The following SSBP3 variants were observed in gnomAD, a reference collection of about 807,000 sequenced individuals.
The protein encoded by SSBP3 is single-stranded DNA-binding protein 3.
SSBP3 carries 5 observed loss-of-function variants against 69.6 expected under a neutral mutation model. That is an observed-to-expected ratio of 0.07 (90% CI 0.04 to 0.15). The LOEUF is 0.15. SSBP3 is among the 10% of genes least tolerant of loss of function. SSBP3 has a pLI of 1.00. For synonymous variants in SSBP3, 196 were observed against 193.4 expected (o/e 1.01, Z -0.11); for missense variants, 312 against 534.0 (o/e 0.58, Z 4.10).
chr1:54,375,706 T>C (rs758859889), intron 4 of SSBP3, among the ~76,000 whole-genome samples: 14 of 152,200 alleles, frequency 9.2e-5, no homozygotes, highest in Non-Finnish European at 1.3e-4. Context: ...AGAGTTCACA[T>C]AGAAGCCATC....
chr1:54,371,674 G>A lies in SSBP3; in HGVS notation c.276+30187C>T, dbSNP rs150556916. Among the ~76,000 whole-genome samples, 5 of 152,274 alleles carry A rather than the reference G, an allele frequency of 3.3e-5. No homozygotes were observed. The East Asian group carries it at 9.7e-4, about 29-fold the overall frequency. On this transcript the variant is annotated intron_variant, in intron 4 of 17. Transcript: ENST00000610401. ...AACAATCATCAATATCGAGAGAGAA[G>A]ACACAATAATAAAAATGACAACTGC...
chr1:54,384,830 A>T (rs1231764334), intron 4 of SSBP3, among the ~76,000 whole-genome samples: 1 of 152,058 alleles, frequency 6.6e-6, no homozygotes, highest in Non-Finnish European at 1.5e-5. Flanking sequence ...TTTCCAACAT[A>T]CAAGGCCCAT....
intron 4 of SSBP3, among the ~76,000 whole-genome samples, chr1:54,306,728 C>G (rs1645907751): frequency 6.6e-6 from 1 of 152,190 alleles, no homozygotes; most frequent in South Asian, 2.1e-4. Flanking sequence ...ACAGGCCAGG[C>G]CTAGTGGCAC....
intron 8 of SSBP3, 37 bp from the exon 9 acceptor site, chr1:54,251,729 A>T: frequency 1.3e-6 from 2 of 1,584,422 alleles, no homozygotes; most frequent in South Asian, 2.3e-5. Context: ...GGATGGCAGG[A>T]GTGGAGGGAG....
At chr1:54,240,047 GGTGTGTGTGTGTGTGT>G (rs71066910) in intron 13 of SSBP3, among the ~76,000 whole-genome samples, 17 of 77,790 alleles carry the variant, frequency 2.2e-4, no homozygotes, top group African/African-American at 3.2e-4. Context: ...ATTGTGATGG[GGTGTGTGTGTGTGTGT>G]GTGTGTGTGT....
At chr1:54,408,999 G>C (rs1304682923), upstream of SSBP3, among the ~76,000 whole-genome samples, 2 of 152,160 alleles carry the variant, frequency 1.3e-5, no homozygotes, top group East Asian at 3.9e-4. Context: ...TTGCTGAGGG[G>C]TTCCCTGGAA....
chr1:54,344,114 T>G (rs918397139), intron 4 of SSBP3, among the ~76,000 whole-genome samples: 2 of 151,968 alleles, frequency 1.3e-5, no homozygotes, highest in Non-Finnish European at 2.9e-5. Flanking sequence ...GCTCAGTCAC[T>G]CCAGTGGACT....
intron 4 of SSBP3, among the ~76,000 whole-genome samples, chr1:54,317,761 T>G (rs549454484): frequency 6.6e-6 from 1 of 151,928 alleles, no homozygotes; most frequent in South Asian, 2.1e-4. Flanking sequence ...TCCTCTGTGT[T>G]TTTGTTTGTT....
rs1646114961 is a variant in SSBP3 at position 54,316,675 on chromosome 1, AATAAAT to A, written c.277-35154_277-35149del. Among the ~76,000 whole-genome samples, 4 of 116,456 alleles carry A rather than the reference AATAAAT, an allele frequency of 3.4e-5. 1 individual carries two copies. The highest frequency in any genetic ancestry group is 6.7e-5 in the Non-Finnish European group (4 of 59,288). 76.4% of individuals were successfully genotyped at this position (116,456 alleles called of 152,430 possible). A position where few individuals can be genotyped will look rare whatever the true frequency, so the allele number is the denominator to read the frequency against. On this transcript the variant is annotated intron_variant, in intron 4 of 17. Transcript: ENST00000610401. ...AAAAAAAAAATAAAATAAATAAATA[AATAAAT>A]AAATAAATAAATAAATAAATAAATA...
chr1:54,281,332 G>C (rs1438168395), intron 5 of SSBP3, 106 bp downstream of exon 5: 2 of 858,982 alleles, frequency 2.3e-6, no homozygotes, highest in African/African-American at 1.7e-5. Flanking sequence ...ACTGTATTTA[G>C]ACCATGGCAA....
At chr1:54,366,112 C>A (rs1647025843) in intron 4 of SSBP3, among the ~76,000 whole-genome samples, 1 of 152,154 alleles carries the variant, frequency 6.6e-6, no homozygotes, top group African/African-American at 2.4e-5. Flanking sequence ...GAAAGTCTTC[C>A]TTAATTCCCT....
intron 4 of SSBP3, among the ~76,000 whole-genome samples, chr1:54,393,327 A>C (rs959066150): frequency 6.6e-6 from 1 of 152,214 alleles, no homozygotes; most frequent in African/African-American, 2.4e-5. Context: ...CCTGAAACCC[A>C]GGGATCCAGA....
At chr1:54,408,587 C>T (rs1009159617), upstream of SSBP3, among the ~76,000 whole-genome samples, 1 of 152,226 alleles carries the variant, frequency 6.6e-6, no homozygotes, top group Admixed American at 6.5e-5. Context: ...CCAGATTGGC[C>T]ATGCCCTTAT....
At chr1:54,316,652 AAAAAAAATAAAAT>A (rs1557524999) in intron 4 of SSBP3, among the ~76,000 whole-genome samples, 1 of 51,050 alleles carries the variant, frequency 2.0e-5, no homozygotes, top group African/African-American at 1.4e-4. Context: ...CGTCTCAAAA[AAAAAAAATAAAAT>A]AAATAAATAA....
intron 4 of SSBP3, among the ~76,000 whole-genome samples, chr1:54,291,866 C>T (rs1017584483): frequency 6.6e-6 from 1 of 152,220 alleles, no homozygotes; most frequent in Non-Finnish European, 1.5e-5. Flanking sequence ...AGATGGTTCT[C>T]CTGCCTGAAA....
chr1:54,257,361 A>G (rs1644939772), intron 6 of SSBP3, 175 bp from the exon 7 acceptor site: 2 of 551,802 alleles, frequency 3.6e-6, no homozygotes, highest in South Asian at 5.1e-5. Context: ...AGGGAACAAT[A>G]GATCCACACA....
intron 4 of SSBP3, among the ~76,000 whole-genome samples, chr1:54,316,378 G>A (rs1393954201): frequency 1.3e-5 from 2 of 148,774 alleles, no homozygotes; most frequent in Non-Finnish European, 3.0e-5. Flanking sequence ...GGTGGCTCAC[G>A]CCTGTAATCC....
rs372034987 is a variant in SSBP3, at chr1:54,227,189, G to GC, written c.1138-30_1138-29insG. The GC allele has an allele frequency of 1.2e-5, 14 of 1,178,534 alleles. 1 individual carries two copies. Among genetic ancestry groups the GC allele is most frequent in the Non-Finnish European group, 9.9e-6 (8 of 804,874 alleles). 73.0% of individuals were successfully genotyped at this position (1,178,534 alleles called of 1,614,324 possible). On this transcript the variant is annotated intron_variant, in intron 17 of 17. Transcript: ENST00000610401. The stretch of plus-strand genomic sequence containing the variant: ...GAAAGGAGAAGCAGAGAAGGGGGGG[G>GC]GGTGAGGATTGTGGGGAGGCCGCTG...
chr1:54,238,615 C>T (rs1467991885), intron 14 of SSBP3: 1 of 326,960 alleles, frequency 3.1e-6, no homozygotes, highest in African/African-American at 2.2e-5. Context: ...TGCAACATCA[C>T]CCAAGGGCTG....
Sources: gnomAD v4.1 joint callset for allele counts (sites outside exome capture counted in the v4.1 genomes callset) on GRCh38, gnomAD v4.1.1 for gene constraint, MANE v1.5 for transcripts, NCBI Gene and HGNC (gene_info 2026-07-23, HGNC 2026-07-21) for gene names.